EYA4: variants seen among roughly 807,000 people sequenced by gnomAD.
EYA4 encodes protein phosphatase EYA4.
Under a neutral mutation model 87.9 loss-of-function variants are expected in EYA4, and 31 were observed. That is an observed-to-expected ratio of 0.35 (90% CI 0.27 to 0.48). EYA4 has a LOEUF of 0.48. EYA4 is among the 20% of genes least tolerant of loss of function. EYA4 has a pLI of 0.99. For missense variants in EYA4, 678 were observed against 761.4 expected (o/e 0.89, Z 1.29); for synonymous variants, 263 against 270.6 (o/e 0.97, Z 0.28).
chr6:133,504,710 A>G (rs3777884), intron 13 of EYA4, among the ~76,000 whole-genome samples: 20,178 of 152,076 alleles, frequency 0.13, 2,955 homozygotes, highest in African/African-American at 0.34. Flanking sequence ...AATAAAATGG[A>G]TTATCATAGT....
intron 5 of EYA4, among the ~76,000 whole-genome samples, chr6:133,449,668 C>G (rs753286084): frequency 2.6e-5 from 4 of 152,124 alleles, no homozygotes; most frequent in Non-Finnish European, 2.9e-5. Context: ...GCTTCAATTC[C>G]TTTCTATAAA....
chr6:133,318,864 A>C (rs1487398612), intron 2 of EYA4, among the ~76,000 whole-genome samples: 1 of 152,064 alleles, frequency 6.6e-6, no homozygotes, highest in Non-Finnish European at 1.5e-5. Flanking sequence ...CTTCCTTTGT[A>C]CTATTCATGG....
intron 11 of EYA4, among the ~76,000 whole-genome samples, chr6:133,473,373 G>A (rs9321402): frequency 0.38 from 57,775 of 151,800 alleles, 11,968 homozygotes; most frequent in African/African-American, 0.55. Context: ...TTGACAAGCA[G>A]GACAAATATC....
At chr6:133,245,376 A>C (rs1327957434) in intron 1 of EYA4, 1 of 152,244 alleles carries the variant, frequency 6.6e-6, no homozygotes, top group East Asian at 1.9e-4. Flanking sequence ...TTCAGTGAGA[A>C]TATAATCTTG....
chr6:133,256,645 T>A (rs977949787), intron 1 of EYA4, among the ~76,000 whole-genome samples: 1 of 152,148 alleles, frequency 6.6e-6, no homozygotes, highest in African/African-American at 2.4e-5. Context: ...ATAAATCTGT[T>A]ACTTATTATA....
intron 2 of EYA4, among the ~76,000 whole-genome samples, chr6:133,359,449 G>A (rs2128443417): frequency 6.6e-6 from 1 of 152,320 alleles, no homozygotes; most frequent in South Asian, 2.1e-4. Context: ...TCTTATGTCT[G>A]AATCATAGTT....
intron 2 of EYA4, 149 bp from the exon 3 acceptor site, chr6:133,382,243 T>C: frequency 1.5e-6 from 1 of 683,800 alleles, no homozygotes; most frequent in Admixed American, 2.1e-5. Context: ...TGAAATACAC[T>C]ATTTAGTACT....
chr6:133,298,142 T>C (rs1180346861), intron 2 of EYA4, among the ~76,000 whole-genome samples: 1 of 152,224 alleles, frequency 6.6e-6, no homozygotes, highest in Non-Finnish European at 1.5e-5. Flanking sequence ...ACTATGATAA[T>C]TATTTTGATA....
At chr6:133,285,033 G>C (rs1465477679) in intron 2 of EYA4, among the ~76,000 whole-genome samples, 2 of 150,820 alleles carry the variant, frequency 1.3e-5, no homozygotes, top group Non-Finnish European at 3.0e-5. Flanking sequence ...GTCTCACTCT[G>C]TCCCCCAAGC....
chr6:133,414,745 G>C (rs1789558261), intron 3 of EYA4, among the ~76,000 whole-genome samples: 1 of 152,170 alleles, frequency 6.6e-6, no homozygotes, highest in Non-Finnish European at 1.5e-5. Flanking sequence ...TCAATATCTT[G>C]AGAAACATTA....
At chr6:133,275,807 A>G (rs992176342) in intron 2 of EYA4, among the ~76,000 whole-genome samples, 1 of 152,198 alleles carries the variant, frequency 6.6e-6, no homozygotes, top group South Asian at 2.1e-4. Context: ...AGACATGACC[A>G]TAGTCTAATT....
At chr6:133,503,985 T>C (rs1343101761) in intron 13 of EYA4, among the ~76,000 whole-genome samples, 1 of 152,190 alleles carries the variant, frequency 6.6e-6, no homozygotes, top group Non-Finnish European at 1.5e-5. Flanking sequence ...TGGCATGATC[T>C]TGGCTCACTG....
intron 2 of EYA4, among the ~76,000 whole-genome samples, chr6:133,327,249 T>C (rs1357608456): frequency 6.6e-6 from 1 of 152,070 alleles, no homozygotes; most frequent in Non-Finnish European, 1.5e-5. Flanking sequence ...GCAGTCCTCC[T>C]GTGTCACCCT....
chr6:133,295,118 G>T (rs1214229277), intron 2 of EYA4, among the ~76,000 whole-genome samples: 1 of 152,126 alleles, frequency 6.6e-6, no homozygotes, highest in Non-Finnish European at 1.5e-5. Context: ...ATATGCTATG[G>T]ATGGAAAGCT....
chr6:133,410,629 G>GTATTTTTTTTTTTTTTTTTT, intron 3 of EYA4, among the ~76,000 whole-genome samples: 1 of 148,484 alleles, frequency 6.7e-6, no homozygotes, highest in Non-Finnish European at 1.5e-5. Flanking sequence ...TAGAACTAAG[G>GTATTTTTTTTTTTTTTTTTT]TCTTAATTCC....
chr6:133,295,787 G>A (rs954563912), intron 2 of EYA4, among the ~76,000 whole-genome samples: 2 of 152,128 alleles, frequency 1.3e-5, no homozygotes, highest in African/African-American at 2.4e-5. Context: ...ATTATTCATT[G>A]ATGGATGTAT....
chr6:133,358,690 C>G (rs1039717252), intron 2 of EYA4, among the ~76,000 whole-genome samples: 5 of 152,288 alleles, frequency 3.3e-5, no homozygotes, highest in South Asian at 2.1e-4. Context: ...TTGTTGAGTG[C>G]TATTCTGCTC....
intron 2 of EYA4, among the ~76,000 whole-genome samples, chr6:133,340,870 T>C (rs1054388900): frequency 6.6e-5 from 10 of 152,106 alleles, no homozygotes; most frequent in Admixed American, 6.5e-4. Context: ...AAAGGAATCA[T>C]ATCCAGGCTG....
At chr6:133,254,227 C>G (rs1259995231) in intron 1 of EYA4, among the ~76,000 whole-genome samples, 1 of 152,162 alleles carries the variant, frequency 6.6e-6, no homozygotes, top group African/African-American at 2.4e-5. Context: ...TCTCCAGAAA[C>G]AGACCTTGAT....
Sources: gnomAD v4.1 joint callset for allele counts (sites outside exome capture counted in the v4.1 genomes callset) on GRCh38, gnomAD v4.1.1 for gene constraint, MANE v1.5 for transcripts, NCBI Gene and HGNC (gene_info 2026-07-23, HGNC 2026-07-21) for gene names.